FMN2: variants seen among roughly 807,000 people sequenced by gnomAD.
FMN2 encodes formin 2, also known as formin-2.
FMN2 carries 51 observed loss-of-function variants against 142.3 expected under a neutral mutation model. The observed-to-expected ratio is 0.36, with a 90% CI of 0.29 to 0.45. The LOEUF (loss-of-function observed/expected upper bound fraction) is 0.45. Ranked by LOEUF, FMN2 falls within the 20% of genes least tolerant of loss-of-function variation. The pLI, the probability that FMN2 is intolerant of heterozygous loss-of-function variation, is 1.00. For synonymous variants in FMN2, 882 were observed against 869.8 expected, an observed-to-expected ratio of 1.01 and a Z score of -0.25; for missense variants, 1,936 against 2,122.8, an observed-to-expected ratio of 0.91 and a Z score of 1.73.
At chr1:240,452,850 C>T (rs1459678310) in intron 16 of FMN2, among the ~76,000 whole-genome samples, 1 of 152,164 alleles carries the variant, frequency 6.6e-6, no homozygotes, top group Non-Finnish European at 1.5e-5. Context: ...ATGACAGAAG[C>T]ACTCATAATT....
intron 14 of FMN2, among the ~76,000 whole-genome samples, chr1:240,366,046 A>G (rs1314943224): frequency 6.6e-6 from 1 of 152,228 alleles, no homozygotes; most frequent in African/African-American, 2.4e-5. Flanking sequence ...ACAAGAAGGC[A>G]GAGTGTTACC....
intron 6 of FMN2, among the ~76,000 whole-genome samples, chr1:240,220,602 G>T (rs1038064394): frequency 4.6e-5 from 7 of 152,100 alleles, no homozygotes; most frequent in African/African-American, 1.4e-4. Flanking sequence ...CCCCAGGAAA[G>T]CATTCGCTAA....
chr1:240,092,992 TC>T lies in FMN2; in HGVS notation c.888del (p.Gly297AlafsTer155). 3.6e-6 allele frequency: 5 copies of T among 1,399,720 alleles called. No homozygotes were observed. Among genetic ancestry groups the T allele is most frequent in the Admixed American group, 3.4e-5 (1 of 29,622 alleles). 86.7% of individuals were successfully genotyped at this position (1,399,720 alleles called of 1,614,324 possible). On this transcript the variant is annotated frameshift_variant, in exon 1 of 18. Transcript: ENST00000319653. LOFTEE classifies it high-confidence loss of function. ...AEPREPQQPP[S>X]PGGLPVSEAP... ...GCCCCGGGAGCCCCAGCAACCGCCG[TC>T]CCCCGGCGGCCTCCCGGTCTCCGAG... is the stretch of plus-strand genomic sequence containing the variant.
intron 6 of FMN2, among the ~76,000 whole-genome samples, chr1:240,216,684 G>A (rs180722203): frequency 1.3e-4 from 20 of 152,218 alleles, no homozygotes; most frequent in East Asian, 9.7e-4. Flanking sequence ...TAGTCTTTCC[G>A]CTGTGCTTGA....
At chr1:240,463,266 CA>C (rs1291354778) in intron 16 of FMN2, among the ~76,000 whole-genome samples, 3 of 152,114 alleles carry the variant, frequency 2.0e-5, no homozygotes, top group Non-Finnish European at 2.9e-5. Flanking sequence ...AAGGTTGAGA[CA>C]GATTTTAACG....
At chr1:240,416,621 C>G (rs529493504) in intron 15 of FMN2, among the ~76,000 whole-genome samples, 1 of 152,194 alleles carries the variant, frequency 6.6e-6, no homozygotes, top group African/African-American at 2.4e-5. Flanking sequence ...TCCATCTGTA[C>G]TTATGTCCCT....
chr1:240,099,254 C>T (rs1211611704), intron 1 of FMN2, among the ~76,000 whole-genome samples: 1 of 151,630 alleles, frequency 6.6e-6, no homozygotes, highest in African/African-American at 2.4e-5. Flanking sequence ...AAATTGTATA[C>T]AAAACTTAGC....
chr1:240,324,474 G>A (rs1353078134), intron 8 of FMN2, among the ~76,000 whole-genome samples: 1 of 152,034 alleles, frequency 6.6e-6, no homozygotes, highest in Non-Finnish European at 1.5e-5. Context: ...CTAACATGGC[G>A]AAGCCCTGTC....
At chr1:240,320,744 G>GT (rs1236499161) in intron 8 of FMN2, among the ~76,000 whole-genome samples, 6 of 152,178 alleles carry the variant, frequency 3.9e-5, no homozygotes, top group Non-Finnish European at 8.8e-5. Flanking sequence ...TGTCTGCTCC[G>GT]TGGATGCCCA....
chr1:240,158,687 GTGCACCAGTCC>G (rs1303822601), intron 2 of FMN2, among the ~76,000 whole-genome samples: 1 of 152,082 alleles, frequency 6.6e-6, no homozygotes, highest in Non-Finnish European at 1.5e-5. Context: ...TACTGACCAA[GTGCACCAGTCC>G]TGCATTTTGT....
rs187628564 is a variant in FMN2 at position 240,213,983 on chromosome 1, C to T, written c.4065+2748C>T. 2.7e-3 allele frequency among the ~76,000 whole-genome samples: 413 copies of T among 152,270 alleles called. 3 individuals are homozygous for T. In the South Asian group the frequency reaches 0.027, roughly 10 times the overall value. On this transcript the variant is annotated intron_variant, in intron 6 of 17. Transcript: ENST00000319653. ...TCAGACTGATAGAAATGAAGAATAT[C>T]TTGTATTTCCAAATCCTTTTTTCTC...
chr1:240,330,875 T>TGAGCTA, intron 11 of FMN2, 126 bp downstream of exon 11: 1 of 1,171,654 alleles, frequency 8.5e-7, no homozygotes, highest in Admixed American at 3.1e-5. Context: ...CTTTATGTTC[T>TGAGCTA]GAGCTAGAAA....
intron 13 of FMN2, among the ~76,000 whole-genome samples, chr1:240,336,867 CAT>C (rs1671582083): frequency 6.6e-6 from 1 of 151,904 alleles, no homozygotes; most frequent in African/African-American, 2.4e-5. Flanking sequence ...ACTGACAAAT[CAT>C]AATTTACCTC....
rs1351692273 is a variant in FMN2 at position 240,241,741 on chromosome 1, C to T, written c.4066-16204C>T. ...ACAGCTTCTATTCTAAGAGAAGAAT[C>T]TAACCATTGATTGGGTTGGATCATA... is the stretch of plus-strand genomic sequence containing the variant. On this transcript the variant is annotated intron_variant, in intron 6 of 17. Coordinates refer to ENST00000319653, the MANE Select transcript of FMN2 (RefSeq NM_020066.5). Among the ~76,000 whole-genome samples the T allele has an allele frequency of 2.0e-5, 3 of 149,832 alleles. No homozygotes were observed. In the Admixed American group the frequency reaches 2.0e-4, roughly 10 times the overall value.
At chr1:240,313,950 T>G (rs1670680488) in intron 8 of FMN2, among the ~76,000 whole-genome samples, 1 of 152,098 alleles carries the variant, frequency 6.6e-6, no homozygotes, top group African/African-American at 2.4e-5. Flanking sequence ...CACTTCAGCC[T>G]GGGCAACAGA....
chr1:240,240,156 T>C (rs6698342), intron 6 of FMN2, among the ~76,000 whole-genome samples: 109,227 of 152,052 alleles, frequency 0.72, 40,427 homozygotes, highest in East Asian at 0.89. Context: ...CATTCCTTGG[T>C]AGGAGTGTGC....
At chr1:240,472,511 T>TA in intron 17 of FMN2, 58 bp downstream of exon 17, 1 of 1,117,344 alleles carries the variant, frequency 8.9e-7, no homozygotes, top group Non-Finnish European at 1.3e-6. Flanking sequence ...CCTATTTTCA[T>TA]AATATATACA....
intron 2 of FMN2, among the ~76,000 whole-genome samples, chr1:240,156,711 G>A (rs1213145827): frequency 2.0e-5 from 3 of 152,164 alleles, no homozygotes; most frequent in Non-Finnish European, 2.9e-5. Flanking sequence ...ATTATGCAAA[G>A]TAGAAAAGGT....
intron 16 of FMN2, among the ~76,000 whole-genome samples, chr1:240,463,818 C>T (rs570020979): frequency 1.4e-3 from 220 of 151,998 alleles, no homozygotes; most frequent in Non-Finnish European, 2.4e-3. Flanking sequence ...GCCTGGCCAA[C>T]ATGGTGAAGC....
Sources: gnomAD v4.1 joint callset for allele counts (sites outside exome capture counted in the v4.1 genomes callset) on GRCh38, gnomAD v4.1.1 for gene constraint, MANE v1.5 for transcripts, NCBI Gene and HGNC (gene_info 2026-07-23, HGNC 2026-07-21) for gene names.